Variants in PCDHA6 observed in about 807,000 individuals in gnomAD.
PCDHA6 encodes protocadherin alpha 6.
In PCDHA6, 55 loss-of-function variants were observed where a neutral mutation model predicts 60.3. The observed-to-expected ratio is 0.91, with a 90% CI of 0.73 to 1.14. PCDHA6 has a LOEUF of 1.14. PCDHA6 is among the 50% of genes most tolerant of loss of function. The pLI is 0.00. For synonymous variants in PCDHA6, 652 were observed against 557.9 expected (o/e 1.17, Z -2.38); for missense variants, 1,327 against 1,256.5 (o/e 1.06, Z -0.85).
At chr5:141,009,217 G>T (rs1554262066) in intron 3 of PCDHA6, among the ~76,000 whole-genome samples, 1 of 152,234 alleles carries the variant, frequency 6.6e-6, no homozygotes, top group African/African-American at 2.4e-5. Flanking sequence ...CACTTTGGGA[G>T]GCCAAGGTGG....
intron 1 of PCDHA6, chr5:140,866,007 T>A (rs568957330): frequency 6.6e-6 from 1 of 152,272 alleles, no homozygotes; most frequent in East Asian, 1.9e-4. Context: ...TGTTAAGTGA[T>A]TTTTTTCTTG....
intron 1 of PCDHA6, chr5:140,857,719 G>A (rs781995177): frequency 6.3e-7 from 1 of 1,597,526 alleles, no homozygotes. Flanking sequence ...TGCTGGACGA[G>A]AACGACAACG....
intron 1 of PCDHA6, among the ~76,000 whole-genome samples, chr5:140,947,840 T>C (rs1554218335): frequency 6.6e-6 from 1 of 151,630 alleles, no homozygotes; most frequent in Non-Finnish European, 1.5e-5. Context: ...TAATATTTGT[T>C]TATTTATTTT....
intron 1 of PCDHA6, chr5:140,831,134 T>C (rs1466835760): frequency 1.3e-5 from 2 of 152,216 alleles, no homozygotes; most frequent in Non-Finnish European, 2.9e-5. Context: ...TTATGGTTAT[T>C]GATTTATTTA....
intron 1 of PCDHA6, chr5:140,862,516 G>T: frequency 2.4e-6 from 1 of 409,748 alleles, no homozygotes; most frequent in South Asian, 1.9e-5. Flanking sequence ...CGCTTTCATT[G>T]TTGGCCACAG....
intron 1 of PCDHA6, among the ~76,000 whole-genome samples, chr5:140,918,303 G>C (rs2078625601): frequency 6.6e-6 from 1 of 152,112 alleles, no homozygotes; most frequent in Non-Finnish European, 1.5e-5. Flanking sequence ...AGAATATAGG[G>C]TTTTCTAGGT....
Position 140,828,987 on chromosome 5 carries a change from C to T in PCDHA6, c.896C>T (p.Thr299Met), listed in dbSNP as rs2150161632. Residue 299 changes from threonine (T) to methionine (M), a missense_variant, in exon 1 of 4, where the codon ACG (threonine) becomes ATG (methionine). Physicochemically the swap from Thr to Met is moderately conservative, Grantham distance 81. Coordinates refer to ENST00000529310, the MANE Select transcript of PCDHA6 (RefSeq NM_018909.4). ...GACCACTTTAGCATAGATCGAAATA[C>T]GGGAGAAATAGTGATTCGGGGTAAT... ...VIDHFSIDRN[T>M]GEIVIRGNLD... 5 of 1,613,856 alleles carry T rather than the reference C, an allele frequency of 3.1e-6. No individual in the cohort carries two copies. Among genetic ancestry groups the T allele is most frequent in the Admixed American group, 3.3e-5 (2 of 59,998 alleles).
chr5:140,836,277 A>G (rs1774327794), intron 1 of PCDHA6: 1 of 1,613,670 alleles, frequency 6.2e-7, no homozygotes, highest in Non-Finnish European at 8.5e-7. Context: ...TGGTGAGATC[A>G]GCACGACACG....
intron 1 of PCDHA6, among the ~76,000 whole-genome samples, chr5:140,872,990 A>C (rs987650775): frequency 6.6e-6 from 1 of 152,184 alleles, no homozygotes; most frequent in African/African-American, 2.4e-5. Context: ...AAGATCATTT[A>C]CTTCTGAGTC....
At chr5:140,869,521 C>G (rs782236624) in intron 1 of PCDHA6, 1 of 1,614,182 alleles carries the variant, frequency 6.2e-7, no homozygotes, top group Non-Finnish European at 8.5e-7. Context: ...AGAACAAAAG[C>G]TGCTGATTGC....
chr5:140,881,218 T>G (rs997488208), intron 1 of PCDHA6: 10 of 230,756 alleles, frequency 4.3e-5, no homozygotes, highest in Non-Finnish European at 6.4e-5. Flanking sequence ...TGTTGTTTCT[T>G]GGAAAATTAA....
intron 1 of PCDHA6, among the ~76,000 whole-genome samples, chr5:140,974,337 T>TA (rs2096623719): frequency 6.6e-6 from 1 of 152,214 alleles, no homozygotes; most frequent in Admixed American, 6.5e-5. Context: ...GCTAGCAGGC[T>TA]ATGCATCCAG....
intron 1 of PCDHA6, among the ~76,000 whole-genome samples, chr5:140,931,261 A>G (rs1455233876): frequency 6.6e-6 from 1 of 152,152 alleles, no homozygotes; most frequent in African/African-American, 2.4e-5. Flanking sequence ...AAATTTCACT[A>G]TTTATTTCTT....
chr5:140,945,275 A>G (rs1205952276), intron 1 of PCDHA6, among the ~76,000 whole-genome samples: 2 of 152,186 alleles, frequency 1.3e-5, no homozygotes, highest in Non-Finnish European at 2.9e-5. Context: ...TGAAAACTTT[A>G]AAACATTGAT....
intron 1 of PCDHA6, among the ~76,000 whole-genome samples, chr5:140,911,440 A>C (rs151200639): frequency 6.6e-5 from 10 of 152,168 alleles, no homozygotes; most frequent in African/African-American, 1.7e-4. Context: ...ATTTCCCGCA[A>C]TTTCAGCTCT....
At chr5:140,969,145 C>T (rs782791096) in intron 1 of PCDHA6, 1 of 1,614,168 alleles carries the variant, frequency 6.2e-7, no homozygotes, top group South Asian at 1.1e-5. Context: ...CCTACTGCTA[C>T]AAGGCCTGTC....
Position 140,956,288 on chromosome 5 carries a change from C to A in PCDHA6, c.2395-22661C>A, listed in dbSNP as rs115259112. The stretch of plus-strand genomic sequence containing the variant: ...AGTGTGGTATTGGCTGTGGGTTTAT[C>A]ATATATATGGCTCTTATTATTTTGA... On this transcript the variant is annotated intron_variant, in intron 1 of 3. Transcript: ENST00000529310. Among the ~76,000 whole-genome samples, 994 of 152,174 alleles carry A rather than the reference C, an allele frequency of 6.5e-3. 6 individuals carry two copies. Among genetic ancestry groups the A allele is most frequent in the African/African-American group, 0.022 (916 of 41,532 alleles).
intron 1 of PCDHA6, among the ~76,000 whole-genome samples, chr5:140,886,962 G>A (rs1017446014): frequency 6.6e-6 from 1 of 151,842 alleles, no homozygotes; most frequent in African/African-American, 2.4e-5. Context: ...ATTTAGCAAC[G>A]AAATTTATTA....
intron 1 of PCDHA6, chr5:140,843,145 G>A (rs2150353812): frequency 1.3e-6 from 2 of 1,596,072 alleles, no homozygotes; most frequent in South Asian, 1.1e-5. Flanking sequence ...CGTGGCTTTC[G>A]TATGAGCTGC....
Sources: gnomAD v4.1 joint callset for allele counts (sites outside exome capture counted in the v4.1 genomes callset) on GRCh38, gnomAD v4.1.1 for gene constraint, MANE v1.5 for transcripts, NCBI Gene and HGNC (gene_info 2026-07-23, HGNC 2026-07-21) for gene names.